MYO1B: variants seen among roughly 807,000 people sequenced by gnomAD.
The protein encoded by MYO1B is unconventional myosin-Ib.
MYO1B carries 72 observed loss-of-function variants against 159.7 expected under a neutral mutation model. The ratio of observed to expected loss-of-function variants is 0.45; its 90% CI spans 0.37 to 0.55. MYO1B has a LOEUF of 0.55. Ranked by LOEUF, MYO1B falls within the 20% of genes least tolerant of loss-of-function variation. MYO1B has a pLI of 0.00. For synonymous variants in MYO1B, 468 were observed against 473.8 expected (o/e 0.99, Z 0.16); for missense variants, 1,062 against 1,364.8 (o/e 0.78, Z 3.50).
intron 1 of MYO1B, 73 bp from the exon 2 acceptor site, chr2:191,276,814 C>T (rs898197313): frequency 2.7e-6 from 4 of 1,505,384 alleles, no homozygotes; most frequent in Non-Finnish European, 3.6e-6. Flanking sequence ...TGTTGGATTT[C>T]TGCAGTAGTG....
At chr2:191,290,761 C>T (rs1688644161) in intron 2 of MYO1B, among the ~76,000 whole-genome samples, 1 of 152,122 alleles carries the variant, frequency 6.6e-6, no homozygotes, top group South Asian at 2.1e-4. Context: ...TTTCTGTAGT[C>T]TATTGAGACT....
chr2:191,391,160 T>TA (rs1383353519), intron 18 of MYO1B, among the ~76,000 whole-genome samples: 1 of 152,218 alleles, frequency 6.6e-6, no homozygotes, highest in Non-Finnish European at 1.5e-5. Flanking sequence ...AATCAAGCCT[T>TA]ATTCCTTCTG....
chr2:191,410,569 A>C (rs933563712), intron 26 of MYO1B, among the ~76,000 whole-genome samples: 3 of 152,204 alleles, frequency 2.0e-5, no homozygotes, highest in Non-Finnish European at 2.9e-5. Flanking sequence ...AATTTAGTGG[A>C]TTACTACCAG....
intron 3 of MYO1B, among the ~76,000 whole-genome samples, chr2:191,315,284 TA>T (rs1169806571): frequency 6.6e-6 from 1 of 152,212 alleles, no homozygotes; most frequent in Non-Finnish European, 1.5e-5. Flanking sequence ...TTGCCTTTTT[TA>T]GTTTTTATGG....
At chr2:191,363,944 G>T in intron 10 of MYO1B, 69 bp downstream of exon 10, 1 of 1,584,466 alleles carries the variant, frequency 6.3e-7, no homozygotes, top group Non-Finnish European at 8.7e-7. Context: ...ACTTTTTAAT[G>T]TAGAAAGTAA....
chr2:191,303,591 T>C (rs760436582), intron 3 of MYO1B, among the ~76,000 whole-genome samples: 28 of 152,250 alleles, frequency 1.8e-4, no homozygotes, highest in Non-Finnish European at 2.9e-4. Context: ...CAGATAAAAT[T>C]CCTGTCTTCA....
intron 1 of MYO1B, among the ~76,000 whole-genome samples, chr2:191,266,709 TC>T (rs1687162011): frequency 6.6e-6 from 1 of 152,180 alleles, no homozygotes; most frequent in African/African-American, 2.4e-5. Flanking sequence ...CTAAGGTCTC[TC>T]TCCTTGCTCT....
chr2:191,402,308 G>T, intron 23 of MYO1B: 1 of 340,108 alleles, frequency 2.9e-6, no homozygotes, highest in Non-Finnish European at 5.5e-6. Flanking sequence ...TGATATGGGA[G>T]TGAAAGAGTG....
At chr2:191,294,336 CTA>C (rs1397859119) in intron 2 of MYO1B, among the ~76,000 whole-genome samples, 4 of 152,086 alleles carry the variant, frequency 2.6e-5, no homozygotes, top group African/African-American at 9.7e-5. Context: ...ATTTTAGAAA[CTA>C]TTGTATTCAA....
chr2:191,420,042 A>C lies in MYO1B; in HGVS notation c.3288-3795A>C, dbSNP rs539403576. Among the ~76,000 whole-genome samples, 3 of 152,172 alleles carry C rather than the reference A, an allele frequency of 2.0e-5. No individual in the cohort carries two copies. The East Asian group carries it at 5.8e-4, about 30-fold the overall frequency. ...ATGACGAAACCCCTTCTCAACAAAAAAATTAAAAAATTAGCCAGCCATGGT... is the reference window on the plus strand; with the variant it reads ...ATGACGAAACCCCTTCTCAACAAAACAATTAAAAAATTAGCCAGCCATGGT... On this transcript the variant is annotated intron_variant, in intron 30 of 30. Coordinates refer to ENST00000392318, the MANE Select transcript of MYO1B (RefSeq NM_001130158.3).
intron 7 of MYO1B, among the ~76,000 whole-genome samples, chr2:191,353,040 A>C (rs1043117421): frequency 1.3e-5 from 2 of 152,180 alleles, no homozygotes; most frequent in Admixed American, 1.3e-4. Context: ...TGTACCCAGG[A>C]AGTGGAAAGG....
At chr2:191,422,133 G>C (rs1279027806) in intron 30 of MYO1B, among the ~76,000 whole-genome samples, 2 of 152,218 alleles carry the variant, frequency 1.3e-5, no homozygotes, top group Non-Finnish European at 2.9e-5. Context: ...ATCGCTGGGG[G>C]ATGTCAGTAA....
At chr2:191,293,034 A>C (rs978124780) in intron 2 of MYO1B, among the ~76,000 whole-genome samples, 5 of 152,216 alleles carry the variant, frequency 3.3e-5, no homozygotes, top group African/African-American at 4.8e-5. Flanking sequence ...AGGATACCTT[A>C]GCTCTCCACA....
intron 30 of MYO1B, among the ~76,000 whole-genome samples, chr2:191,421,070 CTTT>C (rs11306202): frequency 4.6e-4 from 53 of 115,264 alleles, no homozygotes; most frequent in Non-Finnish European, 5.0e-4. Context: ...TAGTGTGAAT[CTTT>C]TTTTTTTTTT....
intron 4 of MYO1B, among the ~76,000 whole-genome samples, chr2:191,331,408 G>C (rs1691465053): frequency 6.6e-6 from 1 of 152,140 alleles, no homozygotes; most frequent in Non-Finnish European, 1.5e-5. Context: ...TACAGGTTCA[G>C]CTAACAAAAT....
At chr2:191,403,039 C>T (rs997447720) in intron 24 of MYO1B, among the ~76,000 whole-genome samples, 2 of 152,054 alleles carry the variant, frequency 1.3e-5, no homozygotes, top group African/African-American at 4.8e-5. Flanking sequence ...GACACAGTTA[C>T]AATAGTTGAG....
At chr2:191,268,627 A>T (rs1687281336) in intron 1 of MYO1B, among the ~76,000 whole-genome samples, 2 of 152,310 alleles carry the variant, frequency 1.3e-5, no homozygotes, top group South Asian at 4.1e-4. Context: ...CTGGGCAGCA[A>T]AGGCAGCTGT....
chr2:191,400,311 T>C, intron 21 of MYO1B, 71 bp from the exon 22 acceptor site: 2 of 1,497,986 alleles, frequency 1.3e-6, no homozygotes, highest in Non-Finnish European at 1.9e-6. Flanking sequence ...TCTCTTCAGG[T>C]TTTTTTTTCA....
intron 1 of MYO1B, among the ~76,000 whole-genome samples, chr2:191,262,737 G>A (rs981848681): frequency 4.6e-5 from 7 of 151,970 alleles, no homozygotes; most frequent in South Asian, 2.1e-4. Flanking sequence ...TATACCGGCC[G>A]TCCTCTGCTA....
Sources: gnomAD v4.1 joint callset for allele counts (sites outside exome capture counted in the v4.1 genomes callset) on GRCh38, gnomAD v4.1.1 for gene constraint, MANE v1.5 for transcripts, NCBI Gene and HGNC (gene_info 2026-07-23, HGNC 2026-07-21) for gene names.